METRNL: variants seen among roughly 807,000 people sequenced by gnomAD.
METRNL encodes meteorin like, glial cell differentiation regulator.
In METRNL, 9 loss-of-function variants were observed where a neutral mutation model predicts 17.4. That is an observed-to-expected ratio of 0.52 (90% CI 0.31 to 0.90). The LOEUF (loss-of-function observed/expected upper bound fraction) is 0.90, where lower values mean the gene tolerates loss of function less well. METRNL is among the 40% of genes least tolerant of loss of function. The pLI, the probability that METRNL is intolerant of heterozygous loss-of-function variation, is 0.05. For synonymous variants in METRNL, 215 were observed against 199.3 expected, an observed-to-expected ratio of 1.08 and a Z score of -0.66; for missense variants, 408 against 430.7, an observed-to-expected ratio of 0.95 and a Z score of 0.47.
chr17:83,091,776 G>A (rs149174796), intron 2 of METRNL, among the ~76,000 whole-genome samples: 95 of 152,346 alleles, frequency 6.2e-4, no homozygotes, highest in South Asian at 1.7e-3. Flanking sequence ...CCTTCAGAAC[G>A]TGAAATGGCA....
chr17:83,093,977 A>G (rs986495809), intron 3 of METRNL, among the ~76,000 whole-genome samples: 4 of 152,220 alleles, frequency 2.6e-5, no homozygotes, highest in African/African-American at 9.6e-5. Context: ...CACCCTGTGT[A>G]TCAGCTGGAC....
Position 83,084,994 on chromosome 17 carries a change from C to T in METRNL, c.227C>T (p.Ala76Val), listed in dbSNP as rs575275512. Residue 76 changes from alanine to valine, a missense_variant, in exon 2 of 4, where the codon GCG (alanine) becomes GTG (valine). Coordinates refer to ENST00000320095, the MANE Select transcript of METRNL (RefSeq NM_001004431.3). ...KEVEQVYLRCAAGAVEWMYPT... is the reference protein window; with the variant it reads ...KEVEQVYLRCVAGAVEWMYPT... ...GTGGAGCAGGTGTATCTGCGCTGTG[C>T]GGCGGGTGCCGTGGAGTGGATGTAC... The T allele has an allele frequency of 2.4e-5, 39 of 1,613,112 alleles. No individual in the cohort carries two copies. In the Admixed American group the frequency reaches 3.2e-4, roughly 13 times the overall value.
intron 1 of METRNL, among the ~76,000 whole-genome samples, chr17:83,082,906 C>T (rs1251864888): frequency 6.6e-6 from 1 of 152,214 alleles, no homozygotes; most frequent in Non-Finnish European, 1.5e-5. Flanking sequence ...GTCAGCGGGT[C>T]TGGTTGGAGT....
chr17:83,080,141 C>A, intron 1 of METRNL, 156 bp downstream of exon 1: 1 of 235,624 alleles, frequency 4.2e-6, no homozygotes, highest in Non-Finnish European at 7.0e-6. Flanking sequence ...CGCTGTCCCC[C>A]GCCCCCGGTT....
In METRNL at chr17:83,082,266, C is replaced by A. The variant is rs572585284; in HGVS notation, c.170+2281C>A. 3.0e-6 allele frequency: 3 copies of A among 985,378 alleles called. No homozygotes were observed. In the African/African-American group the frequency reaches 5.2e-5, roughly 17 times the overall value. The allele number at this position is 985,378 out of a possible 1,614,324, so 61.0% of individuals were successfully genotyped here. On this transcript the variant is annotated intron_variant, in intron 1 of 3. Transcript: ENST00000320095. Reference sequence around the variant, plus strand: ...AGGAAAGTTAACCTGCCAGTGGGTTCGAAGCCCTTCCTGACTTTCATACAG... The same window carrying A: ...AGGAAAGTTAACCTGCCAGTGGGTTAGAAGCCCTTCCTGACTTTCATACAG...
In METRNL at chr17:83,085,165, A is replaced by T. The variant is rs2038036495; in HGVS notation, c.398A>T (p.Asp133Val). Reference sequence around the variant, plus strand: ...GGAGAACTGAGACTGCTGGTACCAGACGGGGACGGCAGGCCCGGCCGGGTG... The same window carrying T: ...GGAGAACTGAGACTGCTGGTACCAGTCGGGGACGGCAGGCCCGGCCGGGTG... ...KTGELRLLVP[D>V]GDGRPGRVQC... The change falls in exon 2 of 4, where the codon GAC (aspartate) becomes GTC (valine). Residue 133 changes from aspartate (D) to valine (V), a missense_variant. By Grantham distance (152) the Asp-to-Val change is radical (BLOSUM62 -3). Transcript: ENST00000320095. 5 of 1,612,410 alleles carry T rather than the reference A, an allele frequency of 3.1e-6. No individual in the cohort carries two copies. The highest frequency in any genetic ancestry group is 3.4e-6 in the Non-Finnish European group (4 of 1,179,308).
chr17:83,080,447 T>C (rs2037969469), intron 1 of METRNL, among the ~76,000 whole-genome samples: 4 of 147,952 alleles, frequency 2.7e-5, no homozygotes, highest in Admixed American at 2.7e-4. Flanking sequence ...CACTTCCGTC[T>C]CGGGGAGCCG....
intron 2 of METRNL, among the ~76,000 whole-genome samples, chr17:83,088,322 G>T (rs972065842): frequency 6.6e-6 from 1 of 152,216 alleles, no homozygotes; most frequent in African/African-American, 2.4e-5. Flanking sequence ...TGGGGCTGCT[G>T]TTTGCAGGCC....
rs1251122592 is a variant in METRNL, at chr17:83,079,821, G to A, written c.6G>A (p.Arg2=). 2 of 975,660 alleles carry A rather than the reference G, an allele frequency of 2.0e-6. No individual in the cohort carries two copies. Among genetic ancestry groups the A allele is most frequent in the Admixed American group, 1.3e-4 (2 of 15,130 alleles). The allele number at this position is 975,660 out of a possible 1,614,324, so 60.4% of individuals were successfully genotyped here. ...GGCGGAGCCGGCGCCAGAGCATGCG[G>A]GGCGCGGCGCGGGCGGCCTGGGGGC... M[R]GAARAAWGRA... The change falls in exon 1 of 4, where the codon CGG becomes CGA. Residue 2 remains arginine, a synonymous_variant. Transcript: ENST00000320095.
chr17:83,081,998 T>C (rs2037995159), intron 1 of METRNL: 1 of 788,518 alleles, frequency 1.3e-6, no homozygotes, highest in South Asian at 5.7e-5. Flanking sequence ...CATCCCCCGA[T>C]AGCTGGAAAG....
In METRNL at chr17:83,094,253, C is replaced by T. The variant is rs539265982; in HGVS notation, c.617-3C>T. The T allele has an allele frequency of 1.3e-5, 20 of 1,560,416 alleles. No individual in the cohort carries two copies. In the South Asian group the frequency reaches 2.1e-4, roughly 17 times the overall value. On this transcript the variant is annotated splice_region_variant and splice_polypyrimidine_tract_variant and intron_variant, in intron 3 of 3. Coordinates refer to ENST00000320095, the MANE Select transcript of METRNL (RefSeq NM_001004431.3). ...CCCTGTCCCCATCTCCTTCCCCGCA[C>T]AGCCGTTCGAGGCTCCATCCAGCAA...
At chr17:83,093,355 G>A (rs902978658) in intron 3 of METRNL, 129 bp downstream of exon 3, 12 of 735,198 alleles carry the variant, frequency 1.6e-5, no homozygotes, top group Non-Finnish European at 2.5e-5. Context: ...CTCCTGGAGG[G>A]GCACACGCTG....
chr17:83,094,726 C>T lies in METRNL; in HGVS notation c.*151C>T, dbSNP rs1318584109. 7 of 509,434 alleles carry T rather than the reference C, an allele frequency of 1.4e-5. No individual in the cohort carries two copies. Among genetic ancestry groups the T allele is most frequent in the Admixed American group, 4.4e-5 (1 of 22,856 alleles). The allele number at this position is 509,434 out of a possible 1,614,324, so 31.6% of individuals were successfully genotyped here. Reference sequence around the variant, plus strand: ...CTGGTACCGAAGCTGTGGACGTTCTCGCCACACTCAACCCCATGAGCTTCC... The same window carrying T: ...CTGGTACCGAAGCTGTGGACGTTCTTGCCACACTCAACCCCATGAGCTTCC... On this transcript the variant is annotated 3_prime_UTR_variant, in exon 4 of 4. Transcript: ENST00000320095.
chr17:83,093,753 CG>C (rs1568340696), intron 3 of METRNL, among the ~76,000 whole-genome samples: 14 of 152,132 alleles, frequency 9.2e-5, no homozygotes, highest in Admixed American at 6.5e-5. Flanking sequence ...GGCCTCCCGT[CG>C]TGTGGTGCCG....
chr17:83,083,952 C>CGAGCT (rs774250196), intron 1 of METRNL: 1 of 152,166 alleles, frequency 6.6e-6, no homozygotes, highest in Non-Finnish European at 1.5e-5. Context: ...CTGTTAGCCA[C>CGAGCT]GAGCTGGCAT....
At chr17:83,085,883 G>C (rs1445546707) in intron 2 of METRNL, among the ~76,000 whole-genome samples, 1 of 152,256 alleles carries the variant, frequency 6.6e-6, no homozygotes, top group East Asian at 1.9e-4. Flanking sequence ...TTGGGTGGGA[G>C]CTGAGGCTGG....
chr17:83,093,134 A>G (rs762738746), intron 2 of METRNL, 33 bp from the exon 3 acceptor site: 24 of 1,596,750 alleles, frequency 1.5e-5, no homozygotes, highest in South Asian at 4.4e-5. Context: ...TGTCCCGTCC[A>G]GGCTGCTTCC....
chr17:83,079,648 C>T lies in METRNL; in HGVS notation c.-168C>T, dbSNP rs1261657253. 1 of 159,166 alleles carries T rather than the reference C, an allele frequency of 6.3e-6. No homozygotes were observed. Among genetic ancestry groups the T allele is most frequent in the Non-Finnish European group, 1.3e-5 (1 of 77,918 alleles). The allele number at this position is 159,166 out of a possible 1,614,324, so 9.9% of individuals were successfully genotyped here. A position where few individuals can be genotyped will look rare whatever the true frequency, so the allele number is the denominator to read the frequency against. On this transcript the variant is annotated 5_prime_UTR_variant, in exon 1 of 4. Transcript: ENST00000320095. Reference sequence around the variant, plus strand: ...GGCGGCGGGCGCGGAGCTCTGCGCGCGGCTCCAGCGGGCCGGGATGGGCGG... The same window carrying T: ...GGCGGCGGGCGCGGAGCTCTGCGCGTGGCTCCAGCGGGCCGGGATGGGCGG...
intron 2 of METRNL, among the ~76,000 whole-genome samples, chr17:83,091,836 G>A (rs963357555): frequency 4.6e-5 from 7 of 152,252 alleles, no homozygotes; most frequent in African/African-American, 7.2e-5. Context: ...TTTCTATTGC[G>A]TTAGGAGACT....
Sources: gnomAD v4.1 joint callset for allele counts (sites outside exome capture counted in the v4.1 genomes callset) on GRCh38, gnomAD v4.1.1 for gene constraint, MANE v1.5 for transcripts, NCBI Gene and HGNC (gene_info 2026-07-23, HGNC 2026-07-21) for gene names.